EPB41L4B: variants seen among roughly 807,000 people sequenced by gnomAD.
The protein encoded by EPB41L4B is erythrocyte membrane protein band 4.1 like 4B.
EPB41L4B carries 30 observed loss-of-function variants against 112.5 expected under a neutral mutation model. The ratio of observed to expected loss-of-function variants is 0.27; its 90% confidence interval spans 0.20 to 0.36. The LOEUF is 0.36. Among genes scored for constraint, EPB41L4B ranks in the 10% least tolerant of loss-of-function variants. The probability of loss-of-function intolerance (pLI) is 1.00; values close to 1 mark genes in which losing one functional copy is unlikely to be tolerated. For missense variants in EPB41L4B, 1,024 were observed against 1,133.3 expected (o/e 0.90, Z 1.38); for synonymous variants, 408 against 439.7 (o/e 0.93, Z 0.90).
chr9:109,251,170 C>T (rs1445866746), intron 13 of EPB41L4B, among the ~76,000 whole-genome samples: 1 of 152,268 alleles, frequency 6.6e-6, no homozygotes, highest in Non-Finnish European at 1.5e-5. Flanking sequence ...CCCAGCACTG[C>T]CTGCCACGCC....
intron 23 of EPB41L4B, among the ~76,000 whole-genome samples, chr9:109,183,197 A>T (rs1237515490): frequency 2.6e-5 from 4 of 152,154 alleles, no homozygotes; most frequent in Admixed American, 2.0e-4. Flanking sequence ...TAGCTGTGGG[A>T]ATGGCCTAGA....
At chr9:109,286,062 T>A (rs532333588) in intron 1 of EPB41L4B, among the ~76,000 whole-genome samples, 1 of 151,764 alleles carries the variant, frequency 6.6e-6, no homozygotes, top group African/African-American at 2.4e-5. Context: ...AGTACCCACA[T>A]CTCTGTCCCT....
intron 15 of EPB41L4B, among the ~76,000 whole-genome samples, chr9:109,237,660 TA>T (rs1236623691): frequency 1.3e-5 from 2 of 152,010 alleles, no homozygotes; most frequent in Non-Finnish European, 2.9e-5. Flanking sequence ...TGGAGAGGGT[TA>T]CTAGACCACT....
chr9:109,255,440 G>A (rs978367549), intron 11 of EPB41L4B, 71 bp downstream of exon 11: 16 of 1,562,310 alleles, frequency 1.0e-5, no homozygotes, highest in Admixed American at 1.7e-5. Flanking sequence ...TACTCTATTC[G>A]CATACAAGAA....
intron 15 of EPB41L4B, chr9:109,239,763 A>G: frequency 7.5e-6 from 7 of 933,168 alleles, no homozygotes; most frequent in Non-Finnish European, 8.9e-6. Flanking sequence ...AGAGGGTATT[A>G]TATGGCATAC....
At chr9:109,193,353 C>T (rs1564255740) in intron 21 of EPB41L4B, among the ~76,000 whole-genome samples, 1 of 152,228 alleles carries the variant, frequency 6.6e-6, no homozygotes, top group African/African-American at 2.4e-5. Flanking sequence ...CTGCAAAAGC[C>T]TCAGGCATCC....
In EPB41L4B at chr9:109,253,426, T is replaced by G; in HGVS notation, c.1279+15A>C. ...CATAATGTAAAATTCCAAGAAAGAATGAAAAACACACAACCTTTGAACGTT... is the reference window on the plus strand; with the variant it reads ...CATAATGTAAAATTCCAAGAAAGAAGGAAAAACACACAACCTTTGAACGTT... On this transcript the variant is annotated intron_variant, in intron 12 of 25. Coordinates refer to ENST00000374566, the MANE Select transcript of EPB41L4B (RefSeq NM_019114.5). 6.3e-7 allele frequency: 1 copy of G among 1,576,214 alleles called. No homozygotes were observed. The highest frequency in any genetic ancestry group is 8.7e-7 in the Non-Finnish European group (1 of 1,147,822).
chr9:109,200,096 C>A, intron 20 of EPB41L4B, 140 bp downstream of exon 20: 1 of 638,876 alleles, frequency 1.6e-6, no homozygotes, highest in Non-Finnish European at 2.7e-6. Context: ...AAGGGCTAGT[C>A]TCATTATTAC....
At chr9:109,207,629 C>T (rs1237748188) in intron 18 of EPB41L4B, among the ~76,000 whole-genome samples, 1 of 152,014 alleles carries the variant, frequency 6.6e-6, no homozygotes, top group Non-Finnish European at 1.5e-5. Flanking sequence ...TATTCATGAG[C>T]CCCCACCCCA....
chr9:109,198,313 A>C (rs982323128), intron 20 of EPB41L4B, among the ~76,000 whole-genome samples: 6 of 152,314 alleles, frequency 3.9e-5, no homozygotes, highest in Middle Eastern at 3.4e-3. Context: ...TAGAGAAGAA[A>C]GAAAGGGGAC....
At chr9:109,304,763 G>A (rs1837105574) in intron 1 of EPB41L4B, among the ~76,000 whole-genome samples, 1 of 152,154 alleles carries the variant, frequency 6.6e-6, no homozygotes, top group African/African-American at 2.4e-5. Flanking sequence ...AAAACATAAT[G>A]CTGAGTGAAA....
At chr9:109,193,938 T>C (rs1564256161) in intron 21 of EPB41L4B, among the ~76,000 whole-genome samples, 3 of 152,194 alleles carry the variant, frequency 2.0e-5, no homozygotes, top group Non-Finnish European at 2.9e-5. Flanking sequence ...TAGCTTATTA[T>C]AGAGATGAGA....
chr9:109,312,939 G>T (rs1023787797), intron 1 of EPB41L4B, among the ~76,000 whole-genome samples: 2 of 152,028 alleles, frequency 1.3e-5, no homozygotes, highest in African/African-American at 4.8e-5. Flanking sequence ...GTCACTCTGG[G>T]GACCAAACCT....
chr9:109,265,807 A>G (rs972320328), intron 4 of EPB41L4B, among the ~76,000 whole-genome samples: 1 of 152,210 alleles, frequency 6.6e-6, no homozygotes, highest in Non-Finnish European at 1.5e-5. Context: ...ACCTACGGAA[A>G]CAGAATCCTA....
At chr9:109,181,375 T>A (rs1832045678) in intron 24 of EPB41L4B, among the ~76,000 whole-genome samples, 2 of 152,148 alleles carry the variant, frequency 1.3e-5, no homozygotes, top group Admixed American at 1.3e-4. Context: ...GGGTGACTGG[T>A]TCTTGTTCAT....
At chr9:109,225,076 T>A (rs190236599) in intron 15 of EPB41L4B, among the ~76,000 whole-genome samples, 1 of 152,222 alleles carries the variant, frequency 6.6e-6, no homozygotes, top group Non-Finnish European at 1.5e-5. Context: ...TCCTTGTGTA[T>A]GTATCTTGTC....
intron 3 of EPB41L4B, 144 bp downstream of exon 3, chr9:109,268,247 G>C: frequency 1.3e-6 from 1 of 765,782 alleles, no homozygotes; most frequent in Non-Finnish European, 2.1e-6. Context: ...CTAGCCTTAA[G>C]AAATTAAAAA....
chr9:109,225,283 C>A (rs988841728), intron 15 of EPB41L4B, among the ~76,000 whole-genome samples: 1 of 152,248 alleles, frequency 6.6e-6, no homozygotes, highest in Admixed American at 6.5e-5. Flanking sequence ...CTGTGCCATG[C>A]ACAAGGATAA....
intron 13 of EPB41L4B, among the ~76,000 whole-genome samples, chr9:109,248,215 G>A (rs1007276727): frequency 6.6e-6 from 1 of 152,208 alleles, no homozygotes; most frequent in African/African-American, 2.4e-5. Context: ...GGGAGGCACC[G>A]ATCCCTCCTG....
Sources: allele counts gnomAD v4.1 joint callset (sites outside exome capture counted in the v4.1 genomes callset), GRCh38; gene constraint gnomAD v4.1.1; transcripts MANE v1.5; gene names NCBI Gene and HGNC (gene_info 2026-07-23, HGNC 2026-07-21).